Variants in APBB2 observed in about 807,000 individuals in gnomAD.
The protein encoded by APBB2 is Fe65-like 1.
APBB2 carries 38 observed loss-of-function variants against 82.5 expected under a neutral mutation model. The observed-to-expected ratio is 0.46, with a 90% CI of 0.36 to 0.60. The LOEUF is 0.60. APBB2 is among the 20% of genes least tolerant of loss of function. The pLI is 0.00. For missense variants in APBB2, 772 were observed against 972.3 expected (o/e 0.79, Z 2.74); for synonymous variants, 341 against 368.2 (o/e 0.93, Z 0.85).
At chr4:40,864,320 G>A (rs1444453119) in intron 12 of APBB2, among the ~76,000 whole-genome samples, 1 of 151,520 alleles carries the variant, frequency 6.6e-6, no homozygotes, top group Non-Finnish European at 1.5e-5. Flanking sequence ...TATTGCTCCT[G>A]GAGGACTCTA....
At chr4:40,906,639 T>C (rs1414595052) in intron 10 of APBB2, among the ~76,000 whole-genome samples, 1 of 152,120 alleles carries the variant, frequency 6.6e-6, no homozygotes, top group Non-Finnish European at 1.5e-5. Flanking sequence ...TAACTTAATT[T>C]AGTTCAATTT....
At chr4:40,900,232 T>C (rs1228852200) in intron 10 of APBB2, among the ~76,000 whole-genome samples, 2 of 152,198 alleles carry the variant, frequency 1.3e-5, no homozygotes, top group Non-Finnish European at 2.9e-5. Context: ...TTCGCGATGA[T>C]AACATTTCCT....
chr4:40,960,731 G>A (rs1578766797), intron 6 of APBB2, among the ~76,000 whole-genome samples: 1 of 151,986 alleles, frequency 6.6e-6, no homozygotes, highest in Non-Finnish European at 1.5e-5. Context: ...ACAGGTGTGA[G>A]CCACCGTGCC....
intron 1 of APBB2, among the ~76,000 whole-genome samples, chr4:41,172,386 G>A (rs538357945): frequency 1.3e-5 from 2 of 152,136 alleles, no homozygotes; most frequent in South Asian, 4.2e-4. Flanking sequence ...ATATACTCAG[G>A]TTTTGGCTTA....
intron 12 of APBB2, chr4:40,881,325 G>C (rs1305802570): frequency 1.3e-5 from 13 of 984,956 alleles, no homozygotes; most frequent in Admixed American, 6.2e-5. Flanking sequence ...AATTCCATCA[G>C]TCTTTCATTA....
In APBB2 at chr4:41,094,343, G is replaced by A. The variant is rs148279739; in HGVS notation, c.-149+6296C>T. On this transcript the variant is annotated intron_variant, in intron 3 of 17. Coordinates refer to ENST00000508593, the MANE Select transcript of APBB2 (RefSeq NM_004307.2). ...TTGCAAGAAGTACACTTTACTCTTC[G>A]CTTCAGTCTTTGACAGCAAGTCACA... is the stretch of plus-strand genomic sequence containing the variant. Among the ~76,000 whole-genome samples the A allele has an allele frequency of 2.3e-3, 346 of 152,270 alleles. 1 individual carries two copies. Among genetic ancestry groups the A allele is most frequent in the African/African-American group, 8.0e-3 (333 of 41,566 alleles).
chr4:41,202,823 T>C (rs1202107282), intron 1 of APBB2, among the ~76,000 whole-genome samples: 1 of 152,230 alleles, frequency 6.6e-6, no homozygotes, highest in Admixed American at 6.5e-5. Context: ...GAAATTGTTC[T>C]TGACAAGACA....
chr4:41,023,077 C>T (rs16852726), intron 5 of APBB2, among the ~76,000 whole-genome samples: 6,986 of 152,242 alleles, frequency 0.046, 343 homozygotes, highest in African/African-American at 0.13. Flanking sequence ...TCAACTCTAC[C>T]GTGGCTCCCG....
rs1236422104 is a variant in APBB2, at chr4:41,214,531, G to GTT, written c.-544_-543insAA. 1.3e-5 allele frequency: 2 copies of GTT among 152,332 alleles called. No individual in the cohort carries two copies. Among genetic ancestry groups the GTT allele is most frequent in the Non-Finnish European group, 2.9e-5 (2 of 68,128 alleles). 9.4% of individuals were successfully genotyped at this position (152,332 alleles called of 1,614,324 possible). A position where few individuals can be genotyped will look rare whatever the true frequency, so the allele number is the denominator to read the frequency against. On this transcript the variant is annotated 5_prime_UTR_variant, in exon 1 of 18. Coordinates refer to ENST00000508593, the MANE Select transcript of APBB2 (RefSeq NM_004307.2). Reference sequence around the variant, plus strand: ...AGCTTCCTACTTGAGACCAGAACGGGCTCCGGCAACTGAGCATGCTCAGTG... The same window carrying GTT: ...AGCTTCCTACTTGAGACCAGAACGGGTTCTCCGGCAACTGAGCATGCTCAGTG...
Position 40,832,013 on chromosome 4 carries a change from T to TATATACACACACACACACACAC in APBB2, c.1530-1437_1530-1436insGTGTGTGTGTGTGTGTGTATAT, listed in dbSNP as rs777910826. On this transcript the variant is annotated intron_variant, in intron 12 of 17. Transcript: ENST00000508593. The surrounding 1 kb of genome is among the most constrained non-coding windows in gnomAD (Gnocchi z 4.8). ...ACACATATTTATATATTTATTTATA[T>TATATACACACACACACACACAC]ACACACACACACACACACACACACA... Among the ~76,000 whole-genome samples, 5 of 138,886 alleles carry TATATACACACACACACACACAC rather than the reference T, an allele frequency of 3.6e-5. No individual in the cohort carries two copies. The highest frequency in any genetic ancestry group is 1.5e-4 in the Admixed American group (2 of 13,650). 91.1% of individuals were successfully genotyped at this position (138,886 alleles called of 152,430 possible). A position where few individuals can be genotyped will look rare whatever the true frequency, so the allele number is the denominator to read the frequency against.
chr4:41,004,492 A>G (rs529663681), intron 6 of APBB2, among the ~76,000 whole-genome samples: 1 of 152,208 alleles, frequency 6.6e-6, no homozygotes, highest in African/African-American at 2.4e-5. Context: ...ACTGGTTTTA[A>G]TCTATTTCTA....
chr4:41,085,516 C>T (rs1739345106), intron 3 of APBB2, among the ~76,000 whole-genome samples: 1 of 152,114 alleles, frequency 6.6e-6, no homozygotes, highest in African/African-American at 2.4e-5. Context: ...TAATTAATCT[C>T]ACCTAAATTT....
Position 40,893,289 on chromosome 4 carries a change from T to A in APBB2, c.1377A>T (p.Arg459=), listed in dbSNP as rs1472049414. The A allele has an allele frequency of 6.2e-7, 1 of 1,613,824 alleles. No homozygotes were observed. Among genetic ancestry groups the A allele is most frequent in the Admixed American group, 1.7e-5 (1 of 59,970 alleles). Residue 459 remains arginine (R), a synonymous_variant, in exon 11 of 18, where the codon CGA becomes CGT. Coordinates refer to ENST00000508593, the MANE Select transcript of APBB2 (RefSeq NM_004307.2). ...CCTCTCCCCAAATCCCGACTGTGTC[T>A]CGGATGTCATTTTTGCAGTAGGAAA... The part of the protein sequence containing the change: ...RQLSYCKNDI[R]DTVGIWGEGK...
At chr4:41,058,748 C>A (rs1407464673) in intron 4 of APBB2, among the ~76,000 whole-genome samples, 4 of 152,048 alleles carry the variant, frequency 2.6e-5, no homozygotes, top group South Asian at 2.1e-4. Flanking sequence ...AATTTGGTGA[C>A]AAAAATATCT....
Position 40,813,477 on chromosome 4 carries a change from A to T in APBB2, c.*2615T>A, listed in dbSNP as rs1308418535. 2 of 152,158 alleles carry T rather than the reference A, an allele frequency of 1.3e-5. No individual in the cohort carries two copies. Among genetic ancestry groups the T allele is most frequent in the Non-Finnish European group, 2.9e-5 (2 of 68,008 alleles). 9.4% of individuals were successfully genotyped at this position (152,158 alleles called of 1,614,324 possible). A position where few individuals can be genotyped will look rare whatever the true frequency, so the allele number is the denominator to read the frequency against. ...TTGGCATCCTTTTACAAACAAATAC[A>T]CACATACTTTCATACATACTTTTTG... On this transcript the variant is annotated 3_prime_UTR_variant, in exon 18 of 18. Transcript: ENST00000508593.
intron 1 of APBB2, among the ~76,000 whole-genome samples, chr4:41,161,317 T>G (rs1339279430): frequency 6.6e-6 from 1 of 152,052 alleles, no homozygotes; most frequent in Non-Finnish European, 1.5e-5. Flanking sequence ...CTCAAAAGTA[T>G]AGCATTCAGC....
At position 40,822,334 on chromosome 4, in the gene APBB2, G is replaced by A. The variant is rs1034410453; in HGVS notation, c.1933-284C>T. ...CGTGGCTGTGAGTTCACTGTGGGGAGGGACAGTGCCGTCCATACTTCTTAC... is the reference window on the plus strand; with the variant it reads ...CGTGGCTGTGAGTTCACTGTGGGGAAGGACAGTGCCGTCCATACTTCTTAC... On this transcript the variant is annotated intron_variant, in intron 16 of 17. Transcript: ENST00000508593. 14 of 350,330 alleles carry A rather than the reference G, an allele frequency of 4.0e-5. No individual in the cohort carries two copies. The South Asian group carries it at 6.0e-4, about 15-fold the overall frequency. The allele number at this position is 350,330 out of a possible 1,614,324, so 21.7% of individuals were successfully genotyped here.
chr4:40,966,817 C>A (rs1216279733), intron 6 of APBB2, among the ~76,000 whole-genome samples: 2 of 152,158 alleles, frequency 1.3e-5, no homozygotes, highest in African/African-American at 4.8e-5. Context: ...GCCTGGGCAC[C>A]ATGGGCACTG....
intron 12 of APBB2, among the ~76,000 whole-genome samples, chr4:40,859,930 T>C (rs1762366106): frequency 6.6e-6 from 1 of 152,250 alleles, no homozygotes; most frequent in African/African-American, 2.4e-5. Flanking sequence ...TCTCATCTTC[T>C]AGGAATCTCA....
Sources: gnomAD v4.1 joint callset for allele counts (sites outside exome capture counted in the v4.1 genomes callset) on GRCh38, gnomAD v4.1.1 for gene constraint, Gnocchi (gnomAD v3.1) non-coding constraint, MANE v1.5 for transcripts, NCBI Gene and HGNC (gene_info 2026-07-23, HGNC 2026-07-21) for gene names.